The following PACRG variants were observed in gnomAD, a reference collection of about 807,000 sequenced individuals.
PACRG encodes parkin coregulated gene protein.
A neutral mutation model predicts 29.7 loss-of-function variants in PACRG; 29 were observed. That is an observed-to-expected ratio of 0.98 (90% CI 0.73 to 1.33). PACRG has a LOEUF of 1.33. Ranked by LOEUF, PACRG falls within the 40% of genes most tolerant of loss-of-function variation. PACRG has a pLI of 0.00. For synonymous variants in PACRG, 116 were observed against 118.7 expected (o/e 0.98, Z 0.15); for missense variants, 279 against 316.2 (o/e 0.88, Z 0.89).
chr6:163,124,426 A>T (rs1196994871), intron 4 of PACRG, among the ~76,000 whole-genome samples: 1 of 152,248 alleles, frequency 6.6e-6, no homozygotes, highest in Non-Finnish European at 1.5e-5. Flanking sequence ...GACCTTGTCT[A>T]CTGGGTCTTA....
chr6:163,247,775 T>G (rs553687017), intron 4 of PACRG, among the ~76,000 whole-genome samples: 2 of 152,302 alleles, frequency 1.3e-5, no homozygotes, highest in Admixed American at 1.3e-4. Flanking sequence ...TACCTGCCAC[T>G]GTCCCATCTC....
At chr6:163,122,886 G>A (rs868861355) in intron 4 of PACRG, among the ~76,000 whole-genome samples, 5 of 152,164 alleles carry the variant, frequency 3.3e-5, no homozygotes, top group Non-Finnish European at 5.9e-5. Context: ...TTCCTTTTGC[G>A]TGTCTGTGTG....
intron 4 of PACRG, among the ~76,000 whole-genome samples, chr6:163,111,620 C>T (rs2128319652): frequency 6.6e-6 from 1 of 152,240 alleles, no homozygotes; most frequent in South Asian, 2.1e-4. Context: ...CCTTTGAAAC[C>T]CACTTGTGGT....
intron 2 of PACRG, among the ~76,000 whole-genome samples, chr6:162,828,159 A>G (rs1788443013): frequency 6.6e-6 from 1 of 152,202 alleles, no homozygotes; most frequent in African/African-American, 2.4e-5. Context: ...CTTGCAAACC[A>G]AGAATGAGGG....
At chr6:163,103,840 C>G (rs1364115529) in intron 4 of PACRG, among the ~76,000 whole-genome samples, 2 of 152,202 alleles carry the variant, frequency 1.3e-5, no homozygotes, top group African/African-American at 4.8e-5. Flanking sequence ...GTTATTCTTA[C>G]TTTACAGATG....
intron 2 of PACRG, among the ~76,000 whole-genome samples, chr6:162,858,640 C>T (rs1297579752): frequency 6.6e-6 from 1 of 152,128 alleles, no homozygotes; most frequent in Non-Finnish European, 1.5e-5. Context: ...CCCAAAGAAA[C>T]AGAGATGTGT....
At chr6:163,220,011 C>T (rs964039641) in intron 4 of PACRG, among the ~76,000 whole-genome samples, 3 of 152,172 alleles carry the variant, frequency 2.0e-5, no homozygotes, top group Admixed American at 6.5e-5. Context: ...CTATTTGAAA[C>T]CAAGTCATCA....
In PACRG at chr6:162,751,621, G is replaced by T. The variant is rs116229237; in HGVS notation, c.156+23230G>T. On this transcript the variant is annotated intron_variant, in intron 1 of 4. Transcript: ENST00000366888. ...AGAGCTTCTCAGATGAGGGATATAG[G>T]CTAATTTCAAATTTTCTCTGAACTA... Among the ~76,000 whole-genome samples, 453 of 152,150 alleles carry T rather than the reference G, an allele frequency of 3.0e-3. 6 individuals are homozygous for T. The highest frequency in any genetic ancestry group is 0.01 in the African/African-American group (427 of 41,526).
At chr6:163,244,564 C>T (rs1413512377) in intron 4 of PACRG, among the ~76,000 whole-genome samples, 1 of 152,174 alleles carries the variant, frequency 6.6e-6, no homozygotes, top group Non-Finnish European at 1.5e-5. Flanking sequence ...TCCTACAAGG[C>T]CCCAGCCCAT....
At chr6:163,222,729 T>C (rs112143368) in intron 4 of PACRG, among the ~76,000 whole-genome samples, 22 of 152,308 alleles carry the variant, frequency 1.4e-4, no homozygotes, top group South Asian at 4.1e-4. Flanking sequence ...TTAAGAGATT[T>C]GAACCACTAA....
intron 2 of PACRG, among the ~76,000 whole-genome samples, chr6:163,047,511 TTGAC>T (rs1487439855): frequency 7.9e-5 from 12 of 152,240 alleles, no homozygotes; most frequent in African/African-American, 2.2e-4. Context: ...GTATCATTCT[TTGAC>T]TGTTACCGTC....
chr6:163,270,008 G>GAAAGA lies in PACRG; in HGVS notation c.614-44818_614-44817insAAGAA, dbSNP rs1562350633. Among the ~76,000 whole-genome samples, 23 of 76,598 alleles carry GAAAGA rather than the reference G, an allele frequency of 3.0e-4. 6 individuals are homozygous for GAAAGA. Among genetic ancestry groups the GAAAGA allele is most frequent in the African/African-American group, 1.3e-3 (22 of 17,196 alleles). 50.3% of individuals were successfully genotyped at this position (76,598 alleles called of 152,430 possible). A position where few individuals can be genotyped will look rare whatever the true frequency, so the allele number is the denominator to read the frequency against. On this transcript the variant is annotated intron_variant, in intron 4 of 4. Coordinates refer to ENST00000366888, the MANE Select transcript of PACRG (RefSeq NM_001080379.2). ...GAAAGAAAGAAAGAAAGAAAGAAAG[G>GAAAGA]AGGGAGGGAGGGAGGGAGGAAGGAA...
intron 4 of PACRG, among the ~76,000 whole-genome samples, chr6:163,206,470 CAT>C (rs1460363618): frequency 2.0e-5 from 3 of 152,140 alleles, no homozygotes; most frequent in Non-Finnish European, 4.4e-5. Context: ...ACAAATCCCA[CAT>C]GTTCTCACTT....
intron 2 of PACRG, among the ~76,000 whole-genome samples, chr6:162,876,015 G>T (rs536012312): frequency 1.3e-5 from 2 of 152,280 alleles, no homozygotes; most frequent in South Asian, 4.2e-4. Flanking sequence ...TAGAGCCGAA[G>T]ATTACAAAAG....
intron 2 of PACRG, among the ~76,000 whole-genome samples, chr6:162,946,664 C>T (rs1365547536): frequency 6.6e-6 from 1 of 151,944 alleles, no homozygotes; most frequent in Non-Finnish European, 1.5e-5. Flanking sequence ...TATTCCAAAA[C>T]CAGTCAAAGA....
At chr6:162,925,344 T>C (rs975195470) in intron 2 of PACRG, among the ~76,000 whole-genome samples, 8 of 152,200 alleles carry the variant, frequency 5.3e-5, no homozygotes, top group Non-Finnish European at 1.0e-4. Context: ...CATAAAACCC[T>C]GGCAGAGACA....
intron 4 of PACRG, among the ~76,000 whole-genome samples, chr6:163,180,542 G>A (rs1048701532): frequency 1.2e-4 from 18 of 152,146 alleles, no homozygotes; most frequent in African/African-American, 3.4e-4. Context: ...CAGGAGGATC[G>A]CTTGAGCCCA....
At chr6:163,058,639 G>C (rs147938608) in intron 2 of PACRG, among the ~76,000 whole-genome samples, 3,156 of 152,234 alleles carry the variant, frequency 0.021, 122 homozygotes, top group African/African-American at 0.072. Context: ...GCTCACGCCT[G>C]TAATCCCAGC....
intron 3 of PACRG, among the ~76,000 whole-genome samples, chr6:163,067,353 G>T (rs1038894337): frequency 1.3e-5 from 2 of 152,228 alleles, no homozygotes; most frequent in African/African-American, 2.4e-5. Flanking sequence ...AGAGCCAGGC[G>T]TGGGACATGG....
Sources: gnomAD v4.1 joint callset for allele counts (sites outside exome capture counted in the v4.1 genomes callset) on GRCh38, gnomAD v4.1.1 for gene constraint, MANE v1.5 for transcripts, NCBI Gene and HGNC (gene_info 2026-07-23, HGNC 2026-07-21) for gene names.